The following QTMAN variants were observed in gnomAD, a reference collection of about 807,000 sequenced individuals.
QTMAN encodes tRNA-queuosine alpha-mannosyltransferase.
the QTMAN span, among the ~76,000 whole-genome samples, chr2:144,314,906 G>A: frequency 6.6e-6 from 1 of 152,058 alleles, no homozygotes; most frequent in Non-Finnish European, 1.5e-5. Flanking sequence ...TTTATTTTGA[G>A]ACAGGGTCTT....
At chr2:144,053,513 C>A in the QTMAN span, among the ~76,000 whole-genome samples, 1 of 152,214 alleles carries the variant, frequency 6.6e-6, no homozygotes, top group South Asian at 2.1e-4. Flanking sequence ...TTTTGTTGAA[C>A]GCTTAGAAAC....
chr2:144,223,208 A>G, the QTMAN span, among the ~76,000 whole-genome samples: 2 of 152,206 alleles, frequency 1.3e-5, no homozygotes, highest in African/African-American at 4.8e-5. Flanking sequence ...TTACAAATCT[A>G]GCAAGAAATC....
the QTMAN span, among the ~76,000 whole-genome samples, chr2:144,237,545 T>C: frequency 5.9e-5 from 9 of 152,322 alleles, no homozygotes; most frequent in Middle Eastern, 3.4e-3. Context: ...CTGCACACTG[T>C]GTACCCTTAA....
At chr2:144,074,618 T>A in the QTMAN span, among the ~76,000 whole-genome samples, 1 of 152,186 alleles carries the variant, frequency 6.6e-6, no homozygotes. Flanking sequence ...TTAGAGGAAC[T>A]TGAGATATAA....
the QTMAN span, among the ~76,000 whole-genome samples, chr2:144,194,881 G>A: frequency 6.6e-6 from 1 of 152,182 alleles, no homozygotes; most frequent in Admixed American, 6.6e-5. Context: ...TAAATCTGGA[G>A]TGAAGGGATT....
At chr2:144,111,868 CA>C in the QTMAN span, among the ~76,000 whole-genome samples, 1 of 152,234 alleles carries the variant, frequency 6.6e-6, no homozygotes, top group Non-Finnish European at 1.5e-5. Context: ...GAAATGTTTT[CA>C]AAATGATAAG....
the QTMAN span, among the ~76,000 whole-genome samples, chr2:144,022,501 A>G: frequency 2.2e-3 from 309 of 141,748 alleles, 4 homozygotes; most frequent in African/African-American, 7.9e-3. Context: ...CATTCTTTTA[A>G]GTTTTTACTA....
the QTMAN span, among the ~76,000 whole-genome samples, chr2:143,989,412 AAGAC>A: frequency 1.6e-4 from 25 of 152,304 alleles, no homozygotes; most frequent in African/African-American, 5.1e-4. Flanking sequence ...AGGTTTACGT[AAGAC>A]AGAAAGGGAC....
chr2:143,976,472 CT>C, the QTMAN span, among the ~76,000 whole-genome samples: 1 of 152,118 alleles, frequency 6.6e-6, no homozygotes, highest in South Asian at 2.1e-4. Context: ...TGATGTGCTC[CT>C]TATTCAAAAA....
chr2:143,938,484 C>A, the QTMAN span: 1 of 152,206 alleles, frequency 6.6e-6, no homozygotes, highest in Non-Finnish European at 1.5e-5. Flanking sequence ...TTTTCTCCCT[C>A]TTGTTGCTGG....
the QTMAN span, among the ~76,000 whole-genome samples, chr2:144,184,620 G>C: frequency 5.3e-5 from 8 of 151,932 alleles, no homozygotes; most frequent in Admixed American, 5.3e-4. Flanking sequence ...ATTTTTTTTA[G>C]ATGCTTCCAA....
the QTMAN span, among the ~76,000 whole-genome samples, chr2:144,304,418 T>C: frequency 2.6e-5 from 4 of 152,070 alleles, no homozygotes; most frequent in Non-Finnish European, 5.9e-5. Flanking sequence ...CATTCAATAA[T>C]GCAACATTTA....
chr2:144,048,242 C>T, the QTMAN span, among the ~76,000 whole-genome samples: 1 of 152,110 alleles, frequency 6.6e-6, no homozygotes, highest in East Asian at 1.9e-4. Context: ...AAGTGATCAG[C>T]TCAGCAATTA....
the QTMAN span, among the ~76,000 whole-genome samples, chr2:144,133,264 T>G: frequency 1.4e-5 from 1 of 70,646 alleles, no homozygotes; most frequent in African/African-American, 5.9e-5. Context: ...TAAATATATA[T>G]AAATATATAT....
At chr2:144,298,732 A>G in the QTMAN span, among the ~76,000 whole-genome samples, 2 of 152,308 alleles carry the variant, frequency 1.3e-5, no homozygotes, top group Middle Eastern at 3.4e-3. Flanking sequence ...GGTCAGGCAT[A>G]TAAGACAGTT....
the QTMAN span, among the ~76,000 whole-genome samples, chr2:144,330,697 ATACCATAATCAAACAAACTTTAG>A: frequency 9.2e-5 from 14 of 152,344 alleles, no homozygotes; most frequent in East Asian, 2.5e-3. Flanking sequence ...GCTTTTTAAG[ATACCATAATCAAACAAACTTTAG>A]TACCATAATC....
the QTMAN span, among the ~76,000 whole-genome samples, chr2:144,316,609 C>G: frequency 1.3e-5 from 2 of 152,142 alleles, no homozygotes; most frequent in African/African-American, 4.8e-5. Context: ...TGCAGCTATA[C>G]AATACTTTAC....
At chr2:144,056,116 G>T in the QTMAN span, among the ~76,000 whole-genome samples, 4 of 152,098 alleles carry the variant, frequency 2.6e-5, no homozygotes, top group South Asian at 8.3e-4. Flanking sequence ...CTATATATAG[G>T]TATACTTTAC....
chr2:144,088,682 C>A, the QTMAN span, among the ~76,000 whole-genome samples: 334 of 152,154 alleles, frequency 2.2e-3, 1 homozygote, highest in African/African-American at 7.6e-3. Context: ...TCATAGCCAA[C>A]TGGTCTTCAA....
Sources: gnomAD v4.1 joint callset for allele counts (sites outside exome capture counted in the v4.1 genomes callset) on GRCh38, gnomAD v4.1.1 for gene constraint, MANE v1.5 for transcripts, NCBI Gene and HGNC (gene_info 2026-07-23, HGNC 2026-07-21) for gene names.